The following MCPH1 variants were observed in gnomAD, a reference collection of about 807,000 sequenced individuals.
MCPH1 encodes the protein microcephalin 1, also known as microcephalin.
A neutral mutation model predicts 84.5 loss-of-function variants in MCPH1; 104 were observed. The ratio of observed to expected loss-of-function variants is 1.23; its 90% CI spans 1.05 to 1.45. The LOEUF (loss-of-function observed/expected upper bound fraction) is 1.45. MCPH1 is among the 40% of genes most tolerant of loss of function. The probability of loss-of-function intolerance (pLI) is 0.00; values close to 1 mark genes in which losing one functional copy is unlikely to be tolerated. For synonymous variants in MCPH1, 514 were observed against 366.8 expected (o/e 1.40, Z -4.58); for missense variants, 1,498 against 1,005.7 (o/e 1.49, Z -6.62).
intron 1 of MCPH1, 103 bp downstream of exon 1, chr8:6,406,792 C>G (rs2129550308): frequency 3.8e-6 from 5 of 1,313,660 alleles, no homozygotes; most frequent in South Asian, 2.5e-5. Context: ...CCCCGCTCGC[C>G]CCTCCCTCGC....
intron 3 of MCPH1, among the ~76,000 whole-genome samples, chr8:6,418,060 G>T (rs931285763): frequency 1.3e-5 from 2 of 152,166 alleles, no homozygotes; most frequent in Admixed American, 6.5e-5. Flanking sequence ...TCAAACACAT[G>T]TTGTTCAGGG....
At position 6,475,977 on chromosome 8, in the gene MCPH1, G is replaced by T. The variant is rs118021770; in HGVS notation, c.1936-1617G>T. Among the ~76,000 whole-genome samples the T allele has an allele frequency of 1.2e-3, 187 of 152,250 alleles. 2 individuals are homozygous for T. The East Asian group carries it at 0.03, about 25-fold the overall frequency. On this transcript the variant is annotated intron_variant, in intron 9 of 13. Coordinates refer to ENST00000344683, the MANE Select transcript of MCPH1 (RefSeq NM_024596.5). The stretch of plus-strand genomic sequence containing the variant: ...GGACTGGGGGTGGCAGGTGGAAGCT[G>T]TCGAGGGAAACTAAGCCCTGTTTCT...
chr8:6,466,560 G>C (rs1485309449), intron 9 of MCPH1, among the ~76,000 whole-genome samples: 1 of 152,136 alleles, frequency 6.6e-6, no homozygotes, highest in Non-Finnish European at 1.5e-5. Context: ...GCCCGCCTTG[G>C]TCTCCCAAAG....
chr8:6,596,997 C>A (rs1828979244), intron 12 of MCPH1, among the ~76,000 whole-genome samples: 1 of 152,128 alleles, frequency 6.6e-6, no homozygotes, highest in South Asian at 2.1e-4. Context: ...TAAAACCATC[C>A]CGTAGACCAC....
intron 12 of MCPH1, among the ~76,000 whole-genome samples, chr8:6,611,509 G>A (rs1009627137): frequency 1.4e-4 from 21 of 152,242 alleles, no homozygotes; most frequent in African/African-American, 4.6e-4. Context: ...CACAGGGCCC[G>A]GGGCCGGGGA....
At chr8:6,528,050 C>A (rs896769395) in intron 12 of MCPH1, among the ~76,000 whole-genome samples, 2 of 143,122 alleles carry the variant, frequency 1.4e-5, no homozygotes, top group African/African-American at 5.1e-5. Flanking sequence ...TGCGTACCAC[C>A]ATACCCAGCT....
rs374434413 is a variant in MCPH1, at chr8:6,556,292, C to T, written c.2214+56363C>T. Among the ~76,000 whole-genome samples the T allele has an allele frequency of 2.7e-3, 417 of 152,054 alleles. 4 individuals are homozygous for T. Among genetic ancestry groups the T allele is most frequent in the African/African-American group, 9.2e-3 (383 of 41,480 alleles). ...TTTATTTCAGAATCATATAATTATA[C>T]CTGATATTTACTTTTTGTCATTCTT... is the stretch of plus-strand genomic sequence containing the variant. On this transcript the variant is annotated intron_variant, in intron 12 of 13. Transcript: ENST00000344683.
intron 12 of MCPH1, among the ~76,000 whole-genome samples, chr8:6,516,605 A>G (rs1185958505): frequency 2.0e-5 from 3 of 152,194 alleles, no homozygotes. Flanking sequence ...GCTCACTTCT[A>G]TCAATATTTC....
intron 13 of MCPH1, among the ~76,000 whole-genome samples, chr8:6,622,990 A>C (rs1831622672): frequency 6.8e-6 from 1 of 147,522 alleles, no homozygotes; most frequent in Non-Finnish European, 1.5e-5. Context: ...ACAGGTGCAC[A>C]CCACGATGCC....
chr8:6,473,812 G>C, intron 9 of MCPH1: 2 of 1,204,732 alleles, frequency 1.7e-6, no homozygotes, highest in Non-Finnish European at 2.3e-6. Flanking sequence ...ATATCAGCAA[G>C]AGTGATTGTA....
Position 6,477,591 on chromosome 8 carries a change from T to G in MCPH1, c.1936-3T>G. On this transcript the variant is annotated splice_polypyrimidine_tract_variant and splice_region_variant and intron_variant, in intron 9 of 13. Transcript: ENST00000344683. ...TTTGTTCCTTCTTGTTTGAAATCTC[T>G]AGCCAACAAGAACATTAGTCATGAC... 6.2e-7 allele frequency: 1 copy of G among 1,612,478 alleles called. No individual in the cohort carries two copies. The highest frequency in any genetic ancestry group is 8.5e-7 in the Non-Finnish European group (1 of 1,178,984).
At chr8:6,551,543 T>A (rs1823654909) in intron 12 of MCPH1, among the ~76,000 whole-genome samples, 1 of 152,208 alleles carries the variant, frequency 6.6e-6, no homozygotes, top group Admixed American at 6.5e-5. Flanking sequence ...GGGGCTGGTG[T>A]TCTGATTAGT....
chr8:6,447,195 G>C (rs1030579185), intron 8 of MCPH1: 94 of 985,264 alleles, frequency 9.5e-5, no homozygotes, highest in Non-Finnish European at 1.1e-4. Flanking sequence ...ATTCATCAAT[G>C]TTTTAAACTG....
At chr8:6,465,106 A>G (rs191275872) in intron 9 of MCPH1, among the ~76,000 whole-genome samples, 19 of 152,320 alleles carry the variant, frequency 1.2e-4, no homozygotes, top group Admixed American at 6.5e-4. Flanking sequence ...CCTAAGGTCT[A>G]TCTTACTATC....
At chr8:6,546,427 C>A (rs2129574476) in intron 12 of MCPH1, among the ~76,000 whole-genome samples, 1 of 152,296 alleles carries the variant, frequency 6.6e-6, no homozygotes, top group South Asian at 2.1e-4. Context: ...GCGTAAAATG[C>A]AGGTGGCAGT....
At chr8:6,510,663 A>G (rs1814877261) in intron 12 of MCPH1, among the ~76,000 whole-genome samples, 1 of 152,170 alleles carries the variant, frequency 6.6e-6, no homozygotes, top group Admixed American at 6.5e-5. Context: ...TAAGTCATGG[A>G]GGTAGGATTT....
chr8:6,430,323 G>T (rs1431245819), intron 3 of MCPH1, among the ~76,000 whole-genome samples: 1 of 152,152 alleles, frequency 6.6e-6, no homozygotes, highest in Non-Finnish European at 1.5e-5. Flanking sequence ...AGTGTATTGG[G>T]GTGGCACATG....
Position 6,438,993 on chromosome 8 carries a change from A to T in MCPH1, c.477A>T (p.Ser159=), listed in dbSNP as rs41313948. 4.3e-3 allele frequency: 6,893 copies of T among 1,611,144 alleles called. 14 individuals are homozygous for T. The highest frequency in any genetic ancestry group is 5.3e-3 in the Non-Finnish European group (6,191 of 1,177,504). ...TTCTCTTATTTGAATCTAATGGTTC[A>T]TTAATATATACTCCCACAATTGAAA... ...VPILLFESNG[S]LIYTPTIEIN... is the part of the protein sequence containing the mutation. Residue 159 remains serine, a synonymous_variant, in exon 6 of 14, where the codon TCA becomes TCT. Transcript: ENST00000344683.
chr8:6,409,030 GC>G (rs1026086320), intron 1 of MCPH1, among the ~76,000 whole-genome samples: 1 of 152,008 alleles, frequency 6.6e-6, no homozygotes. Context: ...GATTACAGGT[GC>G]CCGCCACCAT....
Sources: gnomAD v4.1 joint callset for allele counts (sites outside exome capture counted in the v4.1 genomes callset) on GRCh38, gnomAD v4.1.1 for gene constraint, MANE v1.5 for transcripts, NCBI Gene and HGNC (gene_info 2026-07-23, HGNC 2026-07-21) for gene names.